Variants in ZNF536 observed in about 807,000 individuals in gnomAD.
ZNF536 encodes the protein zinc finger protein 536.
In ZNF536, 13 loss-of-function variants were observed where a neutral mutation model predicts 84.5. The ratio of observed to expected loss-of-function variants is 0.15; its 90% CI spans 0.10 to 0.24. The LOEUF is 0.24. ZNF536 is among the 10% of genes least tolerant of loss of function. The pLI is 1.00. For missense variants in ZNF536, 1,536 were observed against 1,747.5 expected (o/e 0.88, Z 2.16); for synonymous variants, 811 against 742.5 (o/e 1.09, Z -1.50).
intron 1 of ZNF536, among the ~76,000 whole-genome samples, chr19:30,421,444 G>C (rs553074095): frequency 7.2e-5 from 11 of 152,252 alleles, no homozygotes; most frequent in Admixed American, 4.6e-4. Flanking sequence ...CTGGAGTGCA[G>C]TGGCACAATC....
rs1310740464 is a variant in ZNF536 at position 30,445,552 on chromosome 19, C to A, written c.1990C>A (p.Leu664Met). The A allele has an allele frequency of 1.2e-6, 2 of 1,613,344 alleles. No homozygotes were observed. Among genetic ancestry groups the A allele is most frequent in the Non-Finnish European group, 1.7e-6 (2 of 1,179,760 alleles). ...KRDRKGEEDG[L>M]HVGLDERRGS... ...GGACCGCAAGGGCGAGGAGGATGGG[C>A]TGCACGTGGGCCTGGATGAGCGGCG... is the stretch of plus-strand genomic sequence containing the variant. The change falls in exon 2 of 5, where the codon CTG (leucine) becomes ATG (methionine). Residue 664 changes from leucine (L) to methionine (M), a missense_variant. This residue lies in a region of ZNF536 where 366 missense variants were observed against 364.4 expected (regional missense o/e 1.00). Coordinates refer to ENST00000355537, the MANE Select transcript of ZNF536 (RefSeq NM_014717.3). The surrounding 1 kb of genome is among the most constrained non-coding windows in gnomAD (Gnocchi z 4.5).
chr19:30,395,093 C>T (rs11882686), intron 1 of ZNF536, among the ~76,000 whole-genome samples: 11,476 of 152,200 alleles, frequency 0.075, 1,492 homozygotes, highest in African/African-American at 0.26. Context: ...AAGTTCTAGT[C>T]TTCTTAGGGC....
chr19:30,549,199 C>CTGA lies in ZNF536; in HGVS notation c.3582_3583insATG (p.Leu1194_Ser1195insMet). 1.2e-6 allele frequency: 2 copies of CTGA among 1,614,094 alleles called. No homozygotes were observed. Among genetic ancestry groups the CTGA allele is most frequent in the Non-Finnish European group, 1.7e-6 (2 of 1,180,048 alleles). On this transcript the variant is annotated inframe_insertion, in exon 4 of 5. Coordinates refer to ENST00000355537, the MANE Select transcript of ZNF536 (RefSeq NM_014717.3). ...CGAACCGGAAATGATGACCAAGCCACTGTCTGCCCTCAGCAAAGACAGCAG... is the reference window on the plus strand; with the variant it reads ...CGAACCGGAAATGATGACCAAGCCACTGATGTCTGCCCTCAGCAAAGACAGCAG...
chr19:30,643,403 G>A (rs1224439436), intron 1 of ZNF536, among the ~76,000 whole-genome samples: 1 of 152,198 alleles, frequency 6.6e-6, no homozygotes, highest in African/African-American at 2.4e-5. Context: ...CTGGGGCTTG[G>A]TGGAACATTT....
At chr19:30,347,739 C>G (rs1367000880) in intron 2 of ZNF536, among the ~76,000 whole-genome samples, 1 of 152,176 alleles carries the variant, frequency 6.6e-6, no homozygotes, top group Non-Finnish European at 1.5e-5. Flanking sequence ...CGAATCCTCC[C>G]CTCTTGAAGA....
At chr19:30,351,900 G>A (rs2146723431) in intron 2 of ZNF536, among the ~76,000 whole-genome samples, 1 of 152,298 alleles carries the variant, frequency 6.6e-6, no homozygotes, top group East Asian at 1.9e-4. Flanking sequence ...ATTGCAAAGG[G>A]GAAAACATGG....
At chr19:30,244,150 A>C (rs1354103086) in intron 1 of ZNF536, among the ~76,000 whole-genome samples, 1 of 152,226 alleles carries the variant, frequency 6.6e-6, no homozygotes, top group African/African-American at 2.4e-5. Context: ...GCTAGCACTT[A>C]TTCAGGCTCT....
At chr19:30,290,046 G>T (rs557894283) in intron 2 of ZNF536, among the ~76,000 whole-genome samples, 1 of 151,998 alleles carries the variant, frequency 6.6e-6, no homozygotes, top group Admixed American at 6.6e-5. Flanking sequence ...CCCATTCCAG[G>T]TCGTGGCATC....
intron 3 of ZNF536, among the ~76,000 whole-genome samples, chr19:30,359,165 T>TA (rs761430818): frequency 2.1e-4 from 32 of 152,246 alleles, no homozygotes; most frequent in Non-Finnish European, 4.4e-4. Flanking sequence ...CTGTTGTTGG[T>TA]AACAAATTCA....
At chr19:30,679,742 G>C (rs2050893110) in intron 1 of ZNF536, among the ~76,000 whole-genome samples, 1 of 152,204 alleles carries the variant, frequency 6.6e-6, no homozygotes. Flanking sequence ...TGAGGGTCTG[G>C]AATTGGTAGT....
intron 1 of ZNF536, among the ~76,000 whole-genome samples, chr19:30,395,013 G>A (rs1002437189): frequency 5.3e-5 from 8 of 152,298 alleles, no homozygotes; most frequent in African/African-American, 1.7e-4. Context: ...TAAATGTAAT[G>A]TGTATTCAGG....
intron 2 of ZNF536, among the ~76,000 whole-genome samples, chr19:30,468,146 A>G (rs1475597818): frequency 6.6e-6 from 1 of 152,190 alleles, no homozygotes; most frequent in African/African-American, 2.4e-5. Context: ...CCTGTGGTCC[A>G]GTGTGTTTTA....
chr19:30,518,950 GAAAGCC>G (rs1041360949), intron 2 of ZNF536, among the ~76,000 whole-genome samples: 38 of 152,344 alleles, frequency 2.5e-4, no homozygotes, highest in African/African-American at 7.7e-4. Context: ...ACGCAGATGG[GAAAGCC>G]AAGTTTGCTT....
rs374456989 is a variant in ZNF536, at chr19:30,610,777, G to A, written c.169+61263G>A. 2.6e-5 allele frequency among the ~76,000 whole-genome samples: 4 copies of A among 152,146 alleles called. No individual in the cohort carries two copies. In the East Asian group the frequency reaches 5.8e-4, roughly 22 times the overall value. Reference sequence around the variant, plus strand: ...GAGTGTGTGTGTGGAGGCGGGTGGGGGGGATGAGGACTCAGACATGCAAGG... The same window carrying A: ...GAGTGTGTGTGTGGAGGCGGGTGGGAGGGATGAGGACTCAGACATGCAAGG... On this transcript the variant is annotated intron_variant, in intron 1 of 1. Transcript: ENST00000592773.
intron 1 of ZNF536, among the ~76,000 whole-genome samples, chr19:30,597,166 C>T (rs755035005): frequency 1.3e-5 from 2 of 152,236 alleles, no homozygotes; most frequent in Non-Finnish European, 2.9e-5. Flanking sequence ...CATGCATGCC[C>T]AGTTCTCAGG....
At chr19:30,394,475 A>C (rs1034833068) in intron 1 of ZNF536, among the ~76,000 whole-genome samples, 1 of 152,136 alleles carries the variant, frequency 6.6e-6, no homozygotes, top group Non-Finnish European at 1.5e-5. Context: ...CACAACACAC[A>C]CATACCCAGG....
intron 1 of ZNF536, among the ~76,000 whole-genome samples, chr19:30,233,100 A>T (rs919330858): frequency 6.6e-6 from 1 of 151,412 alleles, no homozygotes; most frequent in African/African-American, 2.4e-5. Flanking sequence ...GGGAAGACCC[A>T]TGGGGTCTGA....
chr19:30,604,340 T>G (rs1472902805), intron 1 of ZNF536, among the ~76,000 whole-genome samples: 1 of 152,238 alleles, frequency 6.6e-6, no homozygotes, highest in African/African-American at 2.4e-5. Context: ...ATATTCACAT[T>G]TATAAGATTT....
chr19:30,693,299 A>G (rs1483352450), intron 1 of ZNF536, among the ~76,000 whole-genome samples: 1 of 152,164 alleles, frequency 6.6e-6, no homozygotes, highest in African/African-American at 2.4e-5. Context: ...TGTAGACTGC[A>G]TTATGCAATA....
Sources: allele counts gnomAD v4.1 joint callset (sites outside exome capture counted in the v4.1 genomes callset), GRCh38; gene constraint gnomAD v4.1.1; regional missense constraint gnomAD v4.1.1; non-coding constraint Gnocchi (gnomAD v3.1); transcripts MANE v1.5; gene names NCBI Gene and HGNC (gene_info 2026-07-23, HGNC 2026-07-21).